The following DNASE1 variants were observed in gnomAD, a reference collection of about 807,000 sequenced individuals.
DNASE1 encodes the protein deoxyribonuclease 1, also known as deoxyribonuclease-1.
A neutral mutation model predicts 33.9 loss-of-function variants in DNASE1; 40 were observed. The ratio of observed to expected loss-of-function variants is 1.18; its 90% CI spans 0.92 to 1.54. DNASE1 has a LOEUF of 1.54. Among genes scored for constraint, DNASE1 ranks in the 40% most tolerant of loss-of-function variants. The pLI, the probability that DNASE1 is intolerant of heterozygous loss-of-function variation, is 0.00. For synonymous variants in DNASE1, 216 were observed against 160.0 expected (o/e 1.35, Z -2.64); for missense variants, 518 against 372.6 (o/e 1.39, Z -3.21).
Position 3,655,869 on chromosome 16 carries a change from C to T in DNASE1, c.168C>T (p.Ile56=), listed in dbSNP as rs557122880. ...YIVQILSRYD[I]ALVQEVRDSH... Reference sequence around the variant, plus strand: ...CCCAGATCCTGAGCCGCTATGACATCGCCCTGGTCCAGGAGGTCAGAGACA... The same window carrying T: ...CCCAGATCCTGAGCCGCTATGACATTGCCCTGGTCCAGGAGGTCAGAGACA... Residue 56 remains isoleucine (I), a synonymous_variant, in exon 3 of 9, where the codon ATC becomes ATT. Transcript: ENST00000246949. 145 of 1,613,568 alleles carry T rather than the reference C, an allele frequency of 9.0e-5. 4 individuals carry two copies. The South Asian group carries it at 1.2e-3, about 13-fold the overall frequency.
intron 1 of DNASE1, among the ~76,000 whole-genome samples, chr16:3,622,232 A>AG (rs1491128779): frequency 2.0e-5 from 3 of 150,662 alleles, no homozygotes; most frequent in Admixed American, 2.0e-4. Flanking sequence ...AAAAAAAAAA[A>AG]CGGAGGCTGA....
intron 1 of DNASE1, among the ~76,000 whole-genome samples, chr16:3,648,577 CGCCACTGCACTCCAGCCTAGAAAGAAAA>C (rs1309156500): frequency 9.9e-5 from 15 of 152,036 alleles, no homozygotes; most frequent in African/African-American, 2.7e-4. Context: ...GCCAAGATCG[CGCCACTGCACTCCAGCCTAGAAAGAAAA>C]GCCACTGCAC....
exon 10 of DNASE1, chr16:3,664,161 C>G (rs2050766409): frequency 1.7e-6 from 2 of 1,182,712 alleles, no homozygotes; most frequent in Non-Finnish European, 1.1e-6. Context: ...CCCTGACCCA[C>G]TGTGCAGCCC....
intron 1 of DNASE1, among the ~76,000 whole-genome samples, chr16:3,613,863 T>A (rs889796699): frequency 6.6e-6 from 1 of 151,062 alleles, no homozygotes; most frequent in Non-Finnish European, 1.5e-5. Context: ...TGCCTCAGCC[T>A]CCGGAGTAGC....
At chr16:3,664,010 C>T in exon 10 of DNASE1, 1 of 400,644 alleles carries the variant, frequency 2.5e-6, no homozygotes, top group South Asian at 3.9e-5. Context: ...TTGCAGTGAG[C>T]CGAGATCGCA....
At chr16:3,634,974 G>A (rs1473349496) in intron 1 of DNASE1, among the ~76,000 whole-genome samples, 3 of 151,936 alleles carry the variant, frequency 2.0e-5, no homozygotes, top group Admixed American at 1.3e-4. Flanking sequence ...GCAACCTGGT[G>A]GTCCTTAAGG....
chr16:3,624,335 T>C (rs1325170988), intron 1 of DNASE1, among the ~76,000 whole-genome samples: 3 of 152,138 alleles, frequency 2.0e-5, no homozygotes, highest in South Asian at 4.1e-4. Context: ...TACTTTGAGA[T>C]TATAAAGTAA....
At position 3,656,709 on chromosome 16, in the gene DNASE1, T is replaced by C. The variant is rs2042665605; in HGVS notation, c.392T>C (p.Phe131Ser). Residue 131 changes from phenylalanine to serine, a missense_variant, in exon 5 of 9, where the codon TTC becomes TCC. Phe to Ser is a radical substitution (Grantham distance 155, BLOSUM62 -2). Transcript: ENST00000246949. Reference sequence around the variant, plus strand: ...TGCGAGCCCTGCGGGAACGACACCTTCAACCGAGAGCCAGCCATTGTCAGG... The same window carrying C: ...TGCGAGCCCTGCGGGAACGACACCTCCAACCGAGAGCCAGCCATTGTCAGG... ...DGCEPCGNDTFNREPAIVRFF... is the reference protein window; with the variant it reads ...DGCEPCGNDTSNREPAIVRFF... The C allele has an allele frequency of 6.2e-7, 1 of 1,612,852 alleles. No individual in the cohort carries two copies. Among genetic ancestry groups the C allele is most frequent in the African/African-American group, 1.3e-5 (1 of 74,856 alleles).
chr16:3,657,634 C>T (rs2042768752), intron 7 of DNASE1, 86 bp from the exon 8 acceptor site: 2 of 1,562,618 alleles, frequency 1.3e-6, no homozygotes, highest in Middle Eastern at 2.3e-4. Flanking sequence ...TGGCAGGTCC[C>T]AGGGCTCTTA....
At chr16:3,662,114 T>C, downstream of DNASE1, 2 of 1,612,380 alleles carry the variant, frequency 1.2e-6, no homozygotes, top group South Asian at 2.2e-5. Context: ...GCAGGGTGGG[T>C]GTCCAGTCGG....
upstream of DNASE1, among the ~76,000 whole-genome samples, chr16:3,638,090 G>T (rs2041923517): frequency 6.9e-6 from 1 of 144,424 alleles, no homozygotes; most frequent in Admixed American, 7.1e-5. Context: ...AATTCCAGTT[G>T]ACCAGTTTTT....
chr16:3,643,670 G>A (rs959028669), intron 1 of DNASE1, among the ~76,000 whole-genome samples: 1 of 152,244 alleles, frequency 6.6e-6, no homozygotes, highest in Non-Finnish European at 1.5e-5. Context: ...GGGGAAGAAA[G>A]GTGACAGACC....
At chr16:3,613,184 CTG>C (rs567285508) in intron 1 of DNASE1, among the ~76,000 whole-genome samples, 109 of 152,250 alleles carry the variant, frequency 7.2e-4, no homozygotes, top group African/African-American at 2.4e-3. Flanking sequence ...CTTTCTGTCT[CTG>C]TGGTTTTGCG....
downstream of DNASE1, chr16:3,658,520 T>C (rs896378924): frequency 1.2e-5 from 7 of 568,228 alleles, no homozygotes; most frequent in African/African-American, 3.8e-5. Flanking sequence ...CCATCTCTAC[T>C]AAAATACAAA....
intron 1 of DNASE1, among the ~76,000 whole-genome samples, chr16:3,624,312 G>T (rs1215324328): frequency 1.3e-5 from 2 of 151,292 alleles, no homozygotes; most frequent in Non-Finnish European, 2.9e-5. Context: ...TCCTTGGTTA[G>T]CAAGGTCTTC....
At chr16:3,613,050 C>G (rs1035079371) in intron 1 of DNASE1, among the ~76,000 whole-genome samples, 1 of 152,136 alleles carries the variant, frequency 6.6e-6, no homozygotes, top group African/African-American at 2.4e-5. Flanking sequence ...CCAGTACGTT[C>G]ACAGGATTTG....
At chr16:3,663,788 A>G (rs1333491591) in exon 10 of DNASE1, 5 of 561,820 alleles carry the variant, frequency 8.9e-6, no homozygotes, top group African/African-American at 7.6e-5. Context: ...AGAAATCCAC[A>G]TGTGGCTGAG....
intron 1 of DNASE1, among the ~76,000 whole-genome samples, chr16:3,622,203 G>C (rs2041342293): frequency 7.7e-6 from 1 of 129,536 alleles, no homozygotes; most frequent in Non-Finnish European, 1.6e-5. Flanking sequence ...CTAGGTGACA[G>C]AGCAAGACTG....
upstream of DNASE1, among the ~76,000 whole-genome samples, chr16:3,642,531 G>T (rs1342229337): frequency 2.0e-5 from 3 of 152,068 alleles, no homozygotes; most frequent in Admixed American, 6.5e-5. Flanking sequence ...CTTTCATCCA[G>T]CATGTTCTCC....
Sources: gnomAD v4.1 joint callset for allele counts (sites outside exome capture counted in the v4.1 genomes callset) on GRCh38, gnomAD v4.1.1 for gene constraint, MANE v1.5 for transcripts, NCBI Gene and HGNC (gene_info 2026-07-23, HGNC 2026-07-21) for gene names.